Variants in OSBP2 observed in about 807,000 individuals in gnomAD.
OSBP2 encodes oxysterol-binding protein 2.
In OSBP2, 66 loss-of-function variants were observed where a neutral mutation model predicts 96.0. The observed-to-expected ratio is 0.69, with a 90% CI of 0.56 to 0.84. OSBP2 has a LOEUF of 0.84. OSBP2 is among the 40% of genes least tolerant of loss of function. OSBP2 has a pLI of 0.00. For missense variants in OSBP2, 1,038 were observed against 1,222.7 expected (o/e 0.85, Z 2.25); for synonymous variants, 525 against 520.9 (o/e 1.01, Z -0.11).
At chr22:30,782,692 C>T (rs2090533922) in intron 2 of OSBP2, among the ~76,000 whole-genome samples, 1 of 152,156 alleles carries the variant, frequency 6.6e-6, no homozygotes, top group Admixed American at 6.5e-5. Context: ...TGAGTTGTTT[C>T]CAGGTTCGGC....
intron 1 of OSBP2, among the ~76,000 whole-genome samples, chr22:30,734,535 C>T (rs1048226201): frequency 1.3e-5 from 2 of 152,172 alleles, no homozygotes; most frequent in African/African-American, 2.4e-5. Flanking sequence ...AGGGTTACCT[C>T]AGCCAGGACT....
At chr22:30,730,797 TATATA>T (rs1465282408) in intron 1 of OSBP2, among the ~76,000 whole-genome samples, 3 of 56,022 alleles carry the variant, frequency 5.4e-5, no homozygotes, top group South Asian at 8.6e-4. Context: ...TATATATATA[TATATA>T]TATATAATTT....
At chr22:30,873,467 G>A (rs1345335800) in intron 3 of OSBP2, among the ~76,000 whole-genome samples, 1 of 152,172 alleles carries the variant, frequency 6.6e-6, no homozygotes, top group Non-Finnish European at 1.5e-5. Context: ...TGGGAAGCCA[G>A]GGACTTGGAT....
chr22:30,864,774 C>T (rs12158501), intron 2 of OSBP2, among the ~76,000 whole-genome samples: 37 of 152,278 alleles, frequency 2.4e-4, no homozygotes, highest in Middle Eastern at 3.4e-3. Context: ...GGGGTGAGTG[C>T]CATCCTTCCA....
chr22:30,844,470 C>T (rs1052929610), intron 2 of OSBP2: 1 of 154,946 alleles, frequency 6.5e-6, no homozygotes, highest in Admixed American at 6.5e-5. Context: ...ACTGCTTCAC[C>T]TTGCCCTTTT....
rs569918204 is a variant in OSBP2 at position 30,827,823 on chromosome 22, C to G, written c.854-42606C>G. ...GGGAAAGTGGGAAGCCCGTGGCCCA[C>G]GGAAGGGTGCTTAATCAATGGTAGC... On this transcript the variant is annotated intron_variant, in intron 2 of 13. Transcript: ENST00000332585. Among the ~76,000 whole-genome samples, 14 of 152,278 alleles carry G rather than the reference C, an allele frequency of 9.2e-5. No homozygotes were observed. In the East Asian group the frequency reaches 1.9e-3, roughly 21 times the overall value.
intron 2 of OSBP2, among the ~76,000 whole-genome samples, chr22:30,816,714 T>C (rs1168554924): frequency 6.6e-6 from 1 of 152,132 alleles, no homozygotes; most frequent in Non-Finnish European, 1.5e-5. Flanking sequence ...AACTGAATGG[T>C]GCCCTTGGTG....
At chr22:30,858,376 G>C (rs1197019009) in intron 2 of OSBP2, among the ~76,000 whole-genome samples, 1 of 151,058 alleles carries the variant, frequency 6.6e-6, no homozygotes, top group Non-Finnish European at 1.5e-5. Flanking sequence ...TCGATCTCCT[G>C]ACCTCATGAT....
intron 1 of OSBP2, among the ~76,000 whole-genome samples, chr22:30,729,580 G>A (rs2089711722): frequency 6.6e-6 from 1 of 152,192 alleles, no homozygotes. Flanking sequence ...AGAGATTGCT[G>A]TGAGCCAAGA....
chr22:30,872,931 G>A (rs1269851436), intron 3 of OSBP2, among the ~76,000 whole-genome samples: 1 of 152,188 alleles, frequency 6.6e-6, no homozygotes, highest in African/African-American at 2.4e-5. Context: ...GAAGGTCGTG[G>A]GATACAGGCA....
At position 30,716,040 on chromosome 22, in the gene OSBP2, CTTTCT is replaced by C. The variant is rs1224365579; in HGVS notation, c.644+20491_644+20495del. ...ACAAGCATCTTTTCTTTCTTTCTTT[CTTTCT>C]TTTTTTTTTTTTTGAGACAGAATCT... On this transcript the variant is annotated intron_variant, in intron 1 of 13. Transcript: ENST00000332585. Among the ~76,000 whole-genome samples, 46 of 72,946 alleles carry C rather than the reference CTTTCT, an allele frequency of 6.3e-4. No homozygotes were observed. In the East Asian group the frequency reaches 6.4e-3, roughly 10 times the overall value. The allele number at this position is 72,946 out of a possible 152,430, so 47.9% of individuals were successfully genotyped here.
At chr22:30,832,682 C>T (rs759175496) in intron 2 of OSBP2, among the ~76,000 whole-genome samples, 8 of 152,194 alleles carry the variant, frequency 5.3e-5, no homozygotes, top group Non-Finnish European at 1.0e-4. Flanking sequence ...TCTGTGATCA[C>T]GGTCACGATC....
chr22:30,750,828 T>C (rs531746950), intron 2 of OSBP2, among the ~76,000 whole-genome samples: 1 of 152,304 alleles, frequency 6.6e-6, no homozygotes, highest in Non-Finnish European at 1.5e-5. Flanking sequence ...TACTGCAACC[T>C]CTGCCTCCCA....
chr22:30,853,562 A>G (rs2039016739), intron 2 of OSBP2, among the ~76,000 whole-genome samples: 1 of 152,140 alleles, frequency 6.6e-6, no homozygotes, highest in South Asian at 2.1e-4. Context: ...TTGTTAACAT[A>G]TAATGAATCT....
intron 4 of OSBP2, among the ~76,000 whole-genome samples, chr22:30,887,843 G>A (rs904703766): frequency 3.9e-5 from 6 of 152,174 alleles, no homozygotes; most frequent in African/African-American, 1.4e-4. Flanking sequence ...TAAATTTAAT[G>A]AGCCCAGCTG....
At chr22:30,875,936 C>T (rs1229193465) in intron 3 of OSBP2, among the ~76,000 whole-genome samples, 1 of 152,252 alleles carries the variant, frequency 6.6e-6, no homozygotes, top group African/African-American at 2.4e-5. Flanking sequence ...GACAGGCTGC[C>T]AGGCATGTGC....
intron 2 of OSBP2, among the ~76,000 whole-genome samples, chr22:30,856,290 A>T (rs977951343): frequency 2.7e-5 from 4 of 148,138 alleles, no homozygotes; most frequent in African/African-American, 1.0e-4. Flanking sequence ...ATGCCTCCAC[A>T]CCAGAAGGTT....
At chr22:30,711,368 G>T (rs1458074443) in intron 1 of OSBP2, among the ~76,000 whole-genome samples, 1 of 151,718 alleles carries the variant, frequency 6.6e-6, no homozygotes, top group Non-Finnish European at 1.5e-5. Context: ...TCCTGGCTCG[G>T]TATAAAGCAA....
At chr22:30,776,249 C>T (rs1378996447) in intron 2 of OSBP2, among the ~76,000 whole-genome samples, 1 of 151,882 alleles carries the variant, frequency 6.6e-6, no homozygotes, top group Non-Finnish European at 1.5e-5. Context: ...CTTCAGCCTC[C>T]AAAGTAGCTG....
Sources: gnomAD v4.1 joint callset for allele counts (sites outside exome capture counted in the v4.1 genomes callset) on GRCh38, gnomAD v4.1.1 for gene constraint, MANE v1.5 for transcripts, NCBI Gene and HGNC (gene_info 2026-07-23, HGNC 2026-07-21) for gene names.